Variants in TENM4 observed in about 807,000 individuals in gnomAD.
TENM4 encodes teneurin-4.
TENM4 carries 82 observed loss-of-function variants against 243.3 expected under a neutral mutation model. The ratio of observed to expected loss-of-function variants is 0.34; its 90% CI spans 0.28 to 0.40. The LOEUF is 0.40. Ranked by LOEUF, TENM4 falls within the 10% of genes least tolerant of loss-of-function variation. The pLI is 1.00. For synonymous variants in TENM4, 1,412 were observed against 1,456.3 expected (o/e 0.97, Z 0.69); for missense variants, 3,138 against 3,673.3 (o/e 0.85, Z 3.77).
rs1169149305 is a variant in TENM4, at chr11:78,855,956, C to T, written c.1470+8G>A. The T allele has an allele frequency of 6.4e-7, 1 of 1,550,994 alleles. No individual in the cohort carries two copies. Among genetic ancestry groups the T allele is most frequent in the South Asian group, 1.2e-5 (1 of 84,016 alleles). On this transcript the variant is annotated splice_region_variant and intron_variant, in intron 11 of 33. Coordinates refer to ENST00000278550, the MANE Select transcript of TENM4 (RefSeq NM_001098816.3). ...GCAGATCAACAGGGTATGTGGGGTT[C>T]TGGTTACCTGTGTATGTGAAGGAGG... is the stretch of plus-strand genomic sequence containing the variant.
chr11:79,067,961 G>C (rs901530000), intron 5 of TENM4: 1 of 152,208 alleles, frequency 6.6e-6, no homozygotes, highest in African/African-American at 2.4e-5. Flanking sequence ...ATTTGAAGGA[G>C]AGTATTTTGT....
At chr11:79,199,452 G>A (rs564795264) in intron 3 of TENM4, among the ~76,000 whole-genome samples, 14 of 152,292 alleles carry the variant, frequency 9.2e-5, no homozygotes, top group African/African-American at 2.9e-4. Context: ...GGCACAGGTG[G>A]AATACTTCCA....
intron 12 of TENM4, among the ~76,000 whole-genome samples, chr11:78,834,970 C>G (rs1378238906): frequency 2.0e-5 from 3 of 152,218 alleles, no homozygotes; most frequent in Non-Finnish European, 4.4e-5. Flanking sequence ...CATTCCGTGT[C>G]TCCACACTGC....
rs117904567 is a variant in TENM4 at position 79,362,461 on chromosome 11, T to C, written c.-320-64918A>G. ...GGACCTAAAATATAATGGAGCTAAA[T>C]TGAAGGTTTTATGATGCACAGAGCA... is the stretch of plus-strand genomic sequence containing the variant. On this transcript the variant is annotated intron_variant, in intron 1 of 33. Transcript: ENST00000278550. Among the ~76,000 whole-genome samples the C allele has an allele frequency of 3.3e-3, 501 of 152,326 alleles. 2 individuals are homozygous for C. The highest frequency in any genetic ancestry group is 0.015 in the South Asian group (73 of 4,828).
At position 79,378,076 on chromosome 11, in the gene TENM4, T is replaced by C. The variant is rs1023118667; in HGVS notation, c.-321+62433A>G. 7.9e-5 allele frequency among the ~76,000 whole-genome samples: 12 copies of C among 152,358 alleles called. 1 individual carries two copies. Among genetic ancestry groups the C allele is most frequent in the Admixed American group, 3.9e-4 (6 of 15,306 alleles). The stretch of plus-strand genomic sequence containing the variant: ...GAATTGACTTTTCTAGACCCACTGG[T>C]CTAAAATTTTTATTTTAAAAAAAGG... On this transcript the variant is annotated intron_variant, in intron 1 of 33. Coordinates refer to ENST00000278550, the MANE Select transcript of TENM4 (RefSeq NM_001098816.3).
intron 18 of TENM4, among the ~76,000 whole-genome samples, chr11:78,761,397 A>G (rs1382287316): frequency 6.6e-6 from 1 of 151,814 alleles, no homozygotes; most frequent in East Asian, 1.9e-4. Flanking sequence ...CTGCCACCAC[A>G]CCCAGCTAAT....
At chr11:79,027,463 C>A (rs117610574) in intron 6 of TENM4, among the ~76,000 whole-genome samples, 2 of 152,150 alleles carry the variant, frequency 1.3e-5, no homozygotes, top group African/African-American at 4.8e-5. Context: ...TGGCTGAGAG[C>A]GATGTAGGTT....
intron 12 of TENM4, among the ~76,000 whole-genome samples, chr11:78,846,537 G>A (rs1858397016): frequency 6.6e-6 from 1 of 152,206 alleles, no homozygotes; most frequent in Admixed American, 6.5e-5. Flanking sequence ...TGCTCCTGCT[G>A]TCTGTCCCCG....
rs56046737 is a variant in TENM4, at chr11:79,343,686, C to T, written c.-320-46143G>A. ...AAAAAAAAATAGTTTGAGACCAGAA[C>T]ATTATTTCCATCTCCACTTTCTTCT... On this transcript the variant is annotated intron_variant, in intron 1 of 33. Coordinates refer to ENST00000278550, the MANE Select transcript of TENM4 (RefSeq NM_001098816.3). 5.2e-3 allele frequency among the ~76,000 whole-genome samples: 789 copies of T among 152,124 alleles called. 6 individuals carry two copies. Among genetic ancestry groups the T allele is most frequent in the African/African-American group, 0.018 (753 of 41,498 alleles).
intron 1 of TENM4, among the ~76,000 whole-genome samples, chr11:79,344,414 G>C (rs1275534857): frequency 1.3e-5 from 2 of 152,308 alleles, no homozygotes; most frequent in East Asian, 3.9e-4. Flanking sequence ...AGAGGGAAGA[G>C]CCAGAGAATG....
At chr11:78,660,034 T>C (rs1444118219) in intron 33 of TENM4, among the ~76,000 whole-genome samples, 3 of 152,242 alleles carry the variant, frequency 2.0e-5, no homozygotes, top group Non-Finnish European at 4.4e-5. Flanking sequence ...CAATAATTCA[T>C]TGACAGGCGA....
At chr11:79,430,973 G>T (rs1859155778) in intron 1 of TENM4, among the ~76,000 whole-genome samples, 1 of 152,220 alleles carries the variant, frequency 6.6e-6, no homozygotes, top group Admixed American at 6.5e-5. Context: ...ATTAGGAGCA[G>T]CTAGGAGTCT....
intron 6 of TENM4, among the ~76,000 whole-genome samples, chr11:79,005,666 T>G (rs2136724330): frequency 6.6e-6 from 1 of 152,232 alleles, no homozygotes; most frequent in African/African-American, 2.4e-5. Context: ...CTTGAAGCAT[T>G]TCCCCTGAGA....
At chr11:79,370,236 G>A (rs1590916631) in intron 1 of TENM4, among the ~76,000 whole-genome samples, 1 of 152,194 alleles carries the variant, frequency 6.6e-6, no homozygotes, top group South Asian at 2.1e-4. Flanking sequence ...CCCTACGACG[G>A]AGGCCAGGGC....
At chr11:79,033,608 T>A (rs1428663971) in intron 6 of TENM4, among the ~76,000 whole-genome samples, 2 of 152,208 alleles carry the variant, frequency 1.3e-5, no homozygotes, top group Admixed American at 1.3e-4. Flanking sequence ...ATAAACAGTC[T>A]CTTTCCAGTG....
chr11:78,694,089 C>A (rs1164483399), intron 28 of TENM4, among the ~76,000 whole-genome samples: 1 of 152,232 alleles, frequency 6.6e-6, no homozygotes, highest in Non-Finnish European at 1.5e-5. Context: ...TTCACACACA[C>A]TGCAAGGCTT....
chr11:78,937,249 T>A (rs1400004858), intron 6 of TENM4, among the ~76,000 whole-genome samples: 1 of 152,146 alleles, frequency 6.6e-6, no homozygotes, highest in African/African-American at 2.4e-5. Flanking sequence ...ATTTAGGCCA[T>A]GGTTTCTAGT....
intron 6 of TENM4, among the ~76,000 whole-genome samples, chr11:78,976,663 A>C (rs1565151559): frequency 6.6e-6 from 1 of 152,158 alleles, no homozygotes; most frequent in Non-Finnish European, 1.5e-5. Flanking sequence ...GAAATCTTGA[A>C]AATCGAGGAA....
At chr11:79,285,627 G>A in intron 2 of TENM4, among the ~76,000 whole-genome samples, 1 of 151,954 alleles carries the variant, frequency 6.6e-6, no homozygotes, top group Non-Finnish European at 1.5e-5. Flanking sequence ...ACTGATAAAT[G>A]GATAAACAAA....
Sources: gnomAD v4.1 joint callset for allele counts (sites outside exome capture counted in the v4.1 genomes callset) on GRCh38, gnomAD v4.1.1 for gene constraint, MANE v1.5 for transcripts, NCBI Gene and HGNC (gene_info 2026-07-23, HGNC 2026-07-21) for gene names.